NRXN3: variants seen among roughly 807,000 people sequenced by gnomAD.
NRXN3 encodes neurexin III.
A neutral mutation model predicts 137.6 loss-of-function variants in NRXN3; 32 were observed. The ratio of observed to expected loss-of-function variants is 0.23; its 90% CI spans 0.18 to 0.31. NRXN3 has a LOEUF of 0.31. NRXN3 is among the 10% of genes least tolerant of loss of function. The probability of loss-of-function intolerance (pLI) is 1.00; values close to 1 mark genes in which losing one functional copy is unlikely to be tolerated. For synonymous variants in NRXN3, 798 were observed against 784.5 expected, an observed-to-expected ratio of 1.02 and a Z score of -0.29; for missense variants, 1,574 against 2,062.5, an observed-to-expected ratio of 0.76 and a Z score of 4.59.
At chr14:79,802,914 G>T (rs1044202316) in intron 19 of NRXN3, among the ~76,000 whole-genome samples, 1 of 151,992 alleles carries the variant, frequency 6.6e-6, no homozygotes, top group Non-Finnish European at 1.5e-5. Flanking sequence ...AGAGCATCAG[G>T]ATAAACAGCT....
At chr14:78,281,636 A>C (rs1273192171) in intron 3 of NRXN3, among the ~76,000 whole-genome samples, 1 of 152,154 alleles carries the variant, frequency 6.6e-6, no homozygotes, top group Admixed American at 6.5e-5. Flanking sequence ...TCAGAATAAT[A>C]ACAGTAACAA....
chr14:79,753,723 T>G (rs756008195), intron 19 of NRXN3, among the ~76,000 whole-genome samples: 1 of 151,490 alleles, frequency 6.6e-6, no homozygotes, highest in African/African-American at 2.4e-5. Context: ...AGTATAATAA[T>G]AATAATAATA....
At chr14:79,227,781 CCTTCCCT>C (rs2071268224) in intron 15 of NRXN3, among the ~76,000 whole-genome samples, 1 of 110,890 alleles carries the variant, frequency 9.0e-6, no homozygotes. Flanking sequence ...TTCCTTCCTT[CCTTCCCT>C]CCTCCCTTCC....
intron 15 of NRXN3, among the ~76,000 whole-genome samples, chr14:79,207,414 A>G (rs1411498358): frequency 1.3e-5 from 2 of 152,208 alleles, no homozygotes; most frequent in African/African-American, 4.8e-5. Flanking sequence ...TAGTAAGACA[A>G]AAGAGACTGA....
intron 16 of NRXN3, among the ~76,000 whole-genome samples, chr14:79,505,092 G>A (rs1006227119): frequency 1.3e-5 from 2 of 152,012 alleles, no homozygotes; most frequent in South Asian, 2.1e-4. Flanking sequence ...GTGCATGCCT[G>A]TAATCCCAGC....
intron 4 of NRXN3, among the ~76,000 whole-genome samples, chr14:78,508,113 T>C (rs2096029499): frequency 6.6e-6 from 1 of 152,148 alleles, no homozygotes; most frequent in Non-Finnish European, 1.5e-5. Context: ...AATACGAATG[T>C]CAATCTCAGG....
intron 15 of NRXN3, among the ~76,000 whole-genome samples, chr14:79,302,079 T>C (rs531671391): frequency 7.2e-5 from 11 of 152,154 alleles, no homozygotes; most frequent in African/African-American, 2.6e-4. Context: ...TTTCTCTCTA[T>C]TCTTGAGGCT....
chr14:79,032,013 A>T (rs895073004), intron 15 of NRXN3, among the ~76,000 whole-genome samples: 1 of 152,150 alleles, frequency 6.6e-6, no homozygotes, highest in Non-Finnish European at 1.5e-5. Flanking sequence ...GAAAACCAGG[A>T]TGGAAATTTG....
At chr14:78,186,374 C>T (rs2060228977) in intron 1 of NRXN3, among the ~76,000 whole-genome samples, 1 of 152,252 alleles carries the variant, frequency 6.6e-6, no homozygotes, top group East Asian at 1.9e-4. Flanking sequence ...GGTGCAGGAA[C>T]CTGAGTTCAT....
intron 20 of NRXN3, among the ~76,000 whole-genome samples, chr14:79,852,514 C>G (rs2099393920): frequency 6.6e-6 from 1 of 152,014 alleles, no homozygotes. Flanking sequence ...ATATGATAAC[C>G]CATTTGTCAG....
chr14:78,472,233 T>C (rs990155799), intron 4 of NRXN3, among the ~76,000 whole-genome samples: 1 of 152,092 alleles, frequency 6.6e-6, no homozygotes, highest in Admixed American at 6.6e-5. Flanking sequence ...GTCTTTGGGA[T>C]GTGGAGGTGG....
chr14:79,009,333 G>A (rs2099565954), intron 15 of NRXN3, among the ~76,000 whole-genome samples: 2 of 152,086 alleles, frequency 1.3e-5, no homozygotes. Context: ...TATGGTCAAA[G>A]GTGTACTTAA....
rs114177600 is a variant in NRXN3, at chr14:79,624,123, G to A, written c.3445-39655G>A. ...TGCATTCCTCCTGGATGGGGAGCAG[G>A]TGACATTGCAGATGTTACACTTCCC... On this transcript the variant is annotated intron_variant, in intron 16 of 20. Transcript: ENST00000335750. Among the ~76,000 whole-genome samples the A allele has an allele frequency of 9.9e-4, 150 of 152,172 alleles. 2 individuals carry two copies. The highest frequency in any genetic ancestry group is 3.4e-3 in the Middle Eastern group (1 of 294).
chr14:79,052,076 G>A (rs2099642823), intron 15 of NRXN3, among the ~76,000 whole-genome samples: 1 of 152,132 alleles, frequency 6.6e-6, no homozygotes, highest in Non-Finnish European at 1.5e-5. Context: ...GACAGCATGA[G>A]GATTTTGTTT....
intron 6 of NRXN3, among the ~76,000 whole-genome samples, chr14:78,652,592 C>G (rs1013125896): frequency 6.6e-6 from 1 of 152,134 alleles, no homozygotes; most frequent in African/African-American, 2.4e-5. Context: ...TATGAGTCTC[C>G]TCTTGGGGCA....
At chr14:79,592,923 G>T (rs1391766000) in intron 16 of NRXN3, among the ~76,000 whole-genome samples, 6 of 152,184 alleles carry the variant, frequency 3.9e-5, no homozygotes, top group African/African-American at 1.4e-4. Context: ...GAAAAATAAT[G>T]AGACATCTGA....
intron 2 of NRXN3, among the ~76,000 whole-genome samples, chr14:78,277,019 G>A (rs572273119): frequency 4.5e-4 from 69 of 152,258 alleles, no homozygotes; most frequent in Non-Finnish European, 7.8e-4. Context: ...ACCTGAAGGG[G>A]CGGTGTGGCT....
chr14:79,350,191 C>T (rs2093136405), intron 15 of NRXN3, among the ~76,000 whole-genome samples: 1 of 152,200 alleles, frequency 6.6e-6, no homozygotes. Flanking sequence ...ACTATCAAAG[C>T]ATTTTATAAT....
chr14:79,424,273 G>A lies in NRXN3; in HGVS notation c.3263-42948G>A, dbSNP rs1256310982. ...TTAAAACAAATATTAATTCCTCAAAGTTTAATTCTTAACAAATATTAATTC... is the reference window on the plus strand; with the variant it reads ...TTAAAACAAATATTAATTCCTCAAAATTTAATTCTTAACAAATATTAATTC... On this transcript the variant is annotated intron_variant, in intron 15 of 20. Transcript: ENST00000335750. Among the ~76,000 whole-genome samples the A allele has an allele frequency of 3.3e-5, 5 of 152,086 alleles. 1 individual carries two copies. In the South Asian group the frequency reaches 8.3e-4, roughly 25 times the overall value.
Sources: allele counts gnomAD v4.1 joint callset (sites outside exome capture counted in the v4.1 genomes callset), GRCh38; gene constraint gnomAD v4.1.1; transcripts MANE v1.5; gene names NCBI Gene and HGNC (gene_info 2026-07-23, HGNC 2026-07-21).